The following IFNGR1 variants were observed in gnomAD, a reference collection of about 807,000 sequenced individuals.
The protein encoded by IFNGR1 is AVP, type 2.
Under a neutral mutation model 35.4 loss-of-function variants are expected in IFNGR1, and 23 were observed. The ratio of observed to expected loss-of-function variants is 0.65; its 90% confidence interval spans 0.47 to 0.92. The LOEUF is 0.92. IFNGR1 is among the 40% of genes least tolerant of loss of function. The probability of loss-of-function intolerance (pLI) is 0.00; values close to 1 mark genes in which losing one functional copy is unlikely to be tolerated. For missense variants in IFNGR1, 533 were observed against 583.4 expected, an observed-to-expected ratio of 0.91 and a Z score of 0.89; for synonymous variants, 199 against 209.5, an observed-to-expected ratio of 0.95 and a Z score of 0.43.
At position 137,197,800 on chromosome 6, in the gene IFNGR1, G is replaced by T. The variant is rs1779121889; in HGVS notation, c.*231C>A. 1 of 482,082 alleles carries T rather than the reference G, an allele frequency of 2.1e-6. No homozygotes were observed. The highest frequency in any genetic ancestry group is 3.7e-6 in the Non-Finnish European group (1 of 269,590). The allele number at this position is 482,082 out of a possible 1,614,324, so 29.9% of individuals were successfully genotyped here. A position where few individuals can be genotyped will look rare whatever the true frequency, so the allele number is the denominator to read the frequency against. ...TACTGGTAACCTATCTGGATGTAAA[G>T]GTTCATAAGTTACAATGCTTTTTTT... is the stretch of plus-strand genomic sequence containing the variant. On this transcript the variant is annotated 3_prime_UTR_variant, in exon 7 of 7. Transcript: ENST00000367739.
At chr6:137,204,596 A>G (rs918329035) in intron 3 of IFNGR1, 92 bp from the exon 4 acceptor site, 3 of 1,079,262 alleles carry the variant, frequency 2.8e-6, no homozygotes, top group Non-Finnish European at 4.2e-6. Context: ...CAATCAACCT[A>G]TTGTTTTTGT....
intron 1 of IFNGR1, among the ~76,000 whole-genome samples, chr6:137,217,624 G>A (rs150124458): frequency 6.6e-6 from 1 of 152,182 alleles, no homozygotes; most frequent in Admixed American, 6.5e-5. Flanking sequence ...AATAAGAAAT[G>A]GAGAGTCCTA....
intron 1 of IFNGR1, among the ~76,000 whole-genome samples, chr6:137,214,038 G>A (rs1217623749): frequency 6.6e-6 from 1 of 152,350 alleles, no homozygotes; most frequent in East Asian, 1.9e-4. Flanking sequence ...ATAAGGAAGT[G>A]AGGATGAAGT....
chr6:137,208,119 T>G (rs1482871689), intron 1 of IFNGR1, among the ~76,000 whole-genome samples: 5 of 152,182 alleles, frequency 3.3e-5, no homozygotes, highest in African/African-American at 1.2e-4. Flanking sequence ...CCCCAGAGAT[T>G]TGTGGAACTC....
chr6:137,198,311 T>TA lies in IFNGR1; in HGVS notation c.1189dup (p.Tyr397LeufsTer8). On this transcript the variant is annotated frameshift_variant, in exon 7 of 7. Transcript: ENST00000367739. LOFTEE classifies it low-confidence loss of function (END_TRUNC). ...ACTCTCAGAACAATTTCTGGAGTGA[T>TA]ACGAGTTTAAAGCGATGCTGCCAGG... is the stretch of plus-strand genomic sequence containing the variant. 1 of 1,614,178 alleles carries TA rather than the reference T, an allele frequency of 6.2e-7. No individual in the cohort carries two copies.
chr6:137,206,585 C>A, intron 2 of IFNGR1: 1 of 409,306 alleles, frequency 2.4e-6, no homozygotes, highest in Non-Finnish European at 4.3e-6. Context: ...TTAAACAACT[C>A]TAAATTCCAT....
chr6:137,199,552 A>ATAT (rs1779224090), intron 6 of IFNGR1, among the ~76,000 whole-genome samples: 1 of 59,614 alleles, frequency 1.7e-5, no homozygotes, highest in Non-Finnish European at 3.4e-5. Flanking sequence ...ATTATATAAC[A>ATAT]TATAAAATAT....
intron 1 of IFNGR1, among the ~76,000 whole-genome samples, chr6:137,208,848 A>G (rs1211867691): frequency 6.6e-6 from 1 of 152,184 alleles, no homozygotes; most frequent in African/African-American, 2.4e-5. Flanking sequence ...GAGGGCCACC[A>G]TCCTCCAGAC....
rs994642323 is a variant in IFNGR1 at position 137,210,312 on chromosome 6, A to C, written c.86-3235T>G. On this transcript the variant is annotated intron_variant, in intron 1 of 6. Transcript: ENST00000367739. ...GCATTCAGTTCTCTTAGAAAAAAAA[A>C]AAAAGGAGTCATTTTTCCCCACTGT... 5.3e-5 allele frequency among the ~76,000 whole-genome samples: 8 copies of C among 152,234 alleles called. No individual in the cohort carries two copies. In the East Asian group the frequency reaches 1.3e-3, roughly 26 times the overall value.
rs121913172 is a variant in IFNGR1 at position 137,219,323 on chromosome 6, G to A, written c.5C>T (p.Ala2Val). M[A>V]LLFLLPLVMQ... ...GACAAGGGGTAGGAGAAAGAGGAGA[G>A]CCATGCTGCTACCGACGGTCGCTGG... is the stretch of plus-strand genomic sequence containing the variant. Residue 2 changes from alanine (A) to valine (V), a missense_variant, in exon 1 of 7, where the codon GCT becomes GTT. Transcript: ENST00000367739. 24 of 1,607,166 alleles carry A rather than the reference G, an allele frequency of 1.5e-5. No homozygotes were observed. In the East Asian group the frequency reaches 4.5e-4, roughly 30 times the overall value.
chr6:137,203,012 T>C (rs984150542), intron 5 of IFNGR1, among the ~76,000 whole-genome samples: 1 of 152,092 alleles, frequency 6.6e-6, no homozygotes, highest in Admixed American at 6.6e-5. Flanking sequence ...GTTATAAAAA[T>C]GACCCATTAT....
Position 137,209,894 on chromosome 6 carries a change from C to T in IFNGR1, c.86-2817G>A, listed in dbSNP as rs9376267. 99,212 of 398,504 alleles carry T rather than the reference C, an allele frequency of 0.25. 13,598 individuals are homozygous for T. The highest frequency in any genetic ancestry group is 0.54 in the South Asian group (4,238 of 7,840). 24.7% of individuals were successfully genotyped at this position (398,504 alleles called of 1,614,324 possible). On this transcript the variant is annotated intron_variant, in intron 1 of 6. Coordinates refer to ENST00000367739, the MANE Select transcript of IFNGR1 (RefSeq NM_000416.3). The stretch of plus-strand genomic sequence containing the variant: ...GCCACACATTCCAGTTTCATCAACA[C>T]TCTGCTCTCTGGGGTGTGCAGGGCT...
chr6:137,219,156 GA>G, intron 1 of IFNGR1, 86 bp downstream of exon 1: 1 of 1,518,360 alleles, frequency 6.6e-7, no homozygotes, highest in African/African-American at 1.4e-5. Context: ...CGACCTCGGA[GA>G]AGCGGGGCGG....
chr6:137,215,373 G>A, intron 1 of IFNGR1: 1 of 1,519,058 alleles, frequency 6.6e-7, no homozygotes, highest in Non-Finnish European at 8.8e-7. Context: ...ATTATATTAT[G>A]GCCACTGCAA....
chr6:137,199,861 T>C (rs1480816157), intron 6 of IFNGR1, among the ~76,000 whole-genome samples: 3 of 151,846 alleles, frequency 2.0e-5, no homozygotes, highest in African/African-American at 4.8e-5. Flanking sequence ...ACATGTTAAA[T>C]ATCCTGTACA....
intron 1 of IFNGR1, among the ~76,000 whole-genome samples, chr6:137,217,708 T>C (rs1779739174): frequency 6.6e-6 from 1 of 152,230 alleles, no homozygotes; most frequent in Admixed American, 6.5e-5. Context: ...CTCTGGTTTT[T>C]CTGAGACAAT....
At chr6:137,208,994 CT>C (rs1177271778) in intron 1 of IFNGR1, among the ~76,000 whole-genome samples, 1 of 152,246 alleles carries the variant, frequency 6.6e-6, no homozygotes, top group Non-Finnish European at 1.5e-5. Context: ...GGGAAGCCAC[CT>C]CTTACATCCG....
intron 1 of IFNGR1, among the ~76,000 whole-genome samples, chr6:137,214,187 C>A (rs927916702): frequency 3.9e-5 from 6 of 152,158 alleles, no homozygotes; most frequent in Non-Finnish European, 8.8e-5. Flanking sequence ...GATACAGGGA[C>A]AGGAATGGGG....
At chr6:137,199,549 A>T (rs28499107) in intron 6 of IFNGR1, among the ~76,000 whole-genome samples, 52 of 12,638 alleles carry the variant, frequency 4.1e-3, no homozygotes, top group East Asian at 7.5e-3. Flanking sequence ...TATATTATAT[A>T]ACATATAAAA....
Sources: gnomAD v4.1 joint callset for allele counts (sites outside exome capture counted in the v4.1 genomes callset) on GRCh38, gnomAD v4.1.1 for gene constraint, MANE v1.5 for transcripts, NCBI Gene and HGNC (gene_info 2026-07-23, HGNC 2026-07-21) for gene names.